WNK4: variants seen among roughly 807,000 people sequenced by gnomAD.
WNK4 encodes serine/threonine-protein kinase WNK4.
A neutral mutation model predicts 116.2 loss-of-function variants in WNK4; 94 were observed. The observed-to-expected ratio is 0.81, with a 90% confidence interval of 0.68 to 0.96. WNK4 has a LOEUF of 0.96. Among genes scored for constraint, WNK4 ranks in the 40% least tolerant of loss-of-function variants. The pLI is 0.00. For synonymous variants in WNK4, 655 were observed against 672.7 expected (o/e 0.97, Z 0.41); for missense variants, 1,542 against 1,650.6 (o/e 0.93, Z 1.14).
rs967351340 is a variant in WNK4 at position 42,794,982 on chromosome 17, C to T, written c.2561C>T (p.Pro854Leu). Residue 854 changes from proline (P) to leucine (L), a missense_variant, in exon 14 of 19, where the codon CCC becomes CTC. Pro to Leu is a moderately conservative substitution (Grantham distance 98). This residue lies in a region of WNK4 where 808 missense variants were observed against 873.6 expected (regional missense o/e 0.92). Coordinates refer to ENST00000246914, the MANE Select transcript of WNK4 (RefSeq NM_032387.5). ...ATTTCTTCCCAGGTCTCCTCAAATC[C>T]CTCTCCACACCCCACCAGCTCTCCA... The part of the protein sequence containing the change: ...SPISSQVSSN[P>L]SPHPTSSPLP... The T allele has an allele frequency of 6.2e-7, 1 of 1,612,570 alleles. No homozygotes were observed. Among genetic ancestry groups the T allele is most frequent in the Admixed American group, 1.7e-5 (1 of 59,858 alleles).
At chr17:42,789,980 T>C (rs2054592746) in intron 11 of WNK4, among the ~76,000 whole-genome samples, 1 of 151,912 alleles carries the variant, frequency 6.6e-6, no homozygotes, top group Admixed American at 6.6e-5. Flanking sequence ...CACTCCAGCC[T>C]GGAAGACAGA....
At position 42,796,042 on chromosome 17, in the gene WNK4, C is replaced by G. The variant is rs749342909; in HGVS notation, c.3431+9C>G. ...CAGAGTCTTCGGCAGAAGTGAGTCT[C>G]GGGAGGATGGAGGAGTGAGAGGAGA... is the stretch of plus-strand genomic sequence containing the variant. On this transcript the variant is annotated intron_variant, in intron 16 of 18. Transcript: ENST00000246914. 6.2e-7 allele frequency: 1 copy of G among 1,613,944 alleles called. No homozygotes were observed. The highest frequency in any genetic ancestry group is 2.2e-5 in the East Asian group (1 of 44,880).
At chr17:42,781,389 G>A (rs2054482308) in intron 1 of WNK4, 73 bp downstream of exon 1, 1 of 1,594,726 alleles carries the variant, frequency 6.3e-7, no homozygotes, top group South Asian at 1.1e-5. Context: ...GACAGAGGGT[G>A]GGGGAGACAG....
Position 42,796,500 on chromosome 17 carries a change from T to G in WNK4, c.3651T>G (p.Ser1217=). ...TCCCAGGCATCATGCGAAGGAACTC[T>G]CTGAGTGGCAGCAGCACCGGCTCCC... The part of the protein sequence containing the change: ...PPGPGIMRRN[S]LSGSSTGSQE... The change falls in exon 18 of 19, where the codon TCT becomes TCG. Residue 1217 remains serine, a synonymous_variant. Transcript: ENST00000246914. 6.2e-7 allele frequency: 1 copy of G among 1,613,908 alleles called. No homozygotes were observed. Among genetic ancestry groups the G allele is most frequent in the Non-Finnish European group, 8.5e-7 (1 of 1,179,876 alleles).
At chr17:42,787,697 CT>C in intron 7 of WNK4, 80 bp from the exon 8 acceptor site, 2 of 1,601,334 alleles carry the variant, frequency 1.2e-6, no homozygotes, top group Non-Finnish European at 1.7e-6. Context: ...CTCCAGGCCC[CT>C]CCTTGCTTAG....
chr17:42,783,060 C>A, intron 2 of WNK4, 130 bp downstream of exon 2: 2 of 1,263,962 alleles, frequency 1.6e-6, no homozygotes, highest in Non-Finnish European at 2.2e-6. Context: ...CCCTCTCACC[C>A]AACCTTTGTC....
chr17:42,784,378 G>GATT lies in WNK4; in HGVS notation c.1013-44_1013-43insATT. On this transcript the variant is annotated intron_variant, in intron 3 of 18. Coordinates refer to ENST00000246914, the MANE Select transcript of WNK4 (RefSeq NM_032387.5). This position sits in a 1 kb window ranked among gnomAD's most constrained non-coding sequence, Gnocchi z 4.4. ...CTGCCTAGCCCAGTGGGAAGGACGA[G>GATT]GCCAGAGTGCCCAGCAATCTGATCC... The GATT allele has an allele frequency of 6.2e-7, 1 of 1,604,758 alleles. No individual in the cohort carries two copies.
At position 42,784,240 on chromosome 17, in the gene WNK4, G is replaced by C. The variant is rs981757986; in HGVS notation, c.1012+83G>C. On this transcript the variant is annotated intron_variant, in intron 3 of 18. Coordinates refer to ENST00000246914, the MANE Select transcript of WNK4 (RefSeq NM_032387.5). This position sits in a 1 kb window ranked among gnomAD's most constrained non-coding sequence, Gnocchi z 4.4. ...CTGGGGACTCCCTCCCCTCAGCAAG[G>C]GCCTTCAAGGTCCACAAAACTACCA... 8.2e-6 allele frequency: 13 copies of C among 1,577,356 alleles called. No homozygotes were observed. The highest frequency in any genetic ancestry group is 1.0e-5 in the Non-Finnish European group (12 of 1,155,776).
Position 42,795,031 on chromosome 17 carries a change from CG to C in WNK4, c.2611del (p.Glu871SerfsTer64). The C allele has an allele frequency of 6.2e-7, 1 of 1,613,828 alleles. No individual in the cohort carries two copies. Among genetic ancestry groups the C allele is most frequent in the South Asian group, 1.1e-5 (1 of 91,056 alleles). On this transcript the variant is annotated frameshift_variant, in exon 14 of 19. Transcript: ENST00000246914. LOFTEE classifies it high-confidence loss of function. ...SPLPFSSSTPEFPVPLSQCPW... is the reference protein window; with the variant it reads ...SPLPFSSSTPXFPVPLSQCPW... Reference sequence around the variant, plus strand: ...CACTTCCATTCTCCTCCAGCACACCCGAGTTTCCGGTCCCACTCTCTCAGTG... The same window carrying C: ...CACTTCCATTCTCCTCCAGCACACCCAGTTTCCGGTCCCACTCTCTCAGTG...
At position 42,796,518 on chromosome 17, in the gene WNK4, C is replaced by G. The variant is rs754710180; in HGVS notation, c.3669C>G (p.Thr1223=). Residue 1223 remains threonine, a synonymous_variant, in exon 18 of 19, where the codon ACC becomes ACG. Coordinates refer to ENST00000246914, the MANE Select transcript of WNK4 (RefSeq NM_032387.5). The part of the protein sequence containing the change: ...MRRNSLSGSS[T]GSQEQRASKG... ...GGAACTCTCTGAGTGGCAGCAGCAC[C>G]GGCTCCCAGGAGCAGCGGGCAAGCA... is the stretch of plus-strand genomic sequence containing the variant. The G allele has an allele frequency of 6.2e-7, 1 of 1,614,034 alleles. No homozygotes were observed. Among genetic ancestry groups the G allele is most frequent in the Admixed American group, 1.7e-5 (1 of 60,024 alleles).
At position 42,795,022 on chromosome 17, in the gene WNK4, C is replaced by T; in HGVS notation, c.2601C>T (p.Ser867=). ...HPTSSPLPFS[S]STPEFPVPLS... ...CCAGCTCTCCACTTCCATTCTCCTCCAGCACACCCGAGTTTCCGGTCCCAC... is the reference window on the plus strand; with the variant it reads ...CCAGCTCTCCACTTCCATTCTCCTCTAGCACACCCGAGTTTCCGGTCCCAC... Residue 867 remains serine (S), a synonymous_variant, in exon 14 of 19, where the codon TCC becomes TCT. Transcript: ENST00000246914. The T allele has an allele frequency of 3.7e-6, 6 of 1,613,734 alleles. No homozygotes were observed. Among genetic ancestry groups the T allele is most frequent in the Non-Finnish European group, 5.1e-6 (6 of 1,179,916 alleles).
chr17:42,789,320 G>A (rs915451584), intron 11 of WNK4, among the ~76,000 whole-genome samples: 10 of 152,108 alleles, frequency 6.6e-5, no homozygotes, highest in Admixed American at 5.9e-4. Context: ...GAGTGAAGCC[G>A]GGTAGGTAGA....
In WNK4 at chr17:42,796,382, T is replaced by C. The variant is rs188606292; in HGVS notation, c.3631+60T>C. 2.7e-4 allele frequency: 441 copies of C among 1,612,126 alleles called. 2 individuals are homozygous for C. In the East Asian group the frequency reaches 8.0e-3, roughly 29 times the overall value. On this transcript the variant is annotated intron_variant, in intron 17 of 18. Coordinates refer to ENST00000246914, the MANE Select transcript of WNK4 (RefSeq NM_032387.5). ...CTGAGACCCCTTTCTGTCGACTGTT[T>C]TTCTCCAGGCCCTGGGGGTCTGCCC...
At position 42,784,573 on chromosome 17, in the gene WNK4, C is replaced by T; in HGVS notation, c.1164C>T (p.Val388=). Residue 388 remains valine (V), a synonymous_variant, in exon 4 of 19, where the codon GTC becomes GTT. Coordinates refer to ENST00000246914, the MANE Select transcript of WNK4 (RefSeq NM_032387.5). This position sits in a 1 kb window ranked among gnomAD's most constrained non-coding sequence, Gnocchi z 4.4. ...CQNAAQIYRK[V]TSGRKPNSFH... is the part of the protein sequence containing the mutation. ...ATGCCGCGCAAATCTACCGCAAGGTCACTTCGGTGAGAGGGATGGGGCTGG... is the reference window on the plus strand; with the variant it reads ...ATGCCGCGCAAATCTACCGCAAGGTTACTTCGGTGAGAGGGATGGGGCTGG... 1 of 1,614,172 alleles carries T rather than the reference C, an allele frequency of 6.2e-7. No homozygotes were observed. Among genetic ancestry groups the T allele is most frequent in the Non-Finnish European group, 8.5e-7 (1 of 1,180,038 alleles).
Position 42,788,320 on chromosome 17 carries a change from C to T in WNK4, c.1953C>T (p.Ser651=), listed in dbSNP as rs766220456. The T allele has an allele frequency of 9.2e-5, 149 of 1,613,906 alleles. No individual in the cohort carries two copies. The highest frequency in any genetic ancestry group is 1.2e-4 in the Non-Finnish European group (143 of 1,180,036). Residue 651 remains serine, a synonymous_variant, in exon 10 of 19, where the codon AGC becomes AGT. Transcript: ENST00000246914. ...CCTCAGATGCAGCTTCAGGCCTTAG[C>T]GATGTGGGAGAAGGGATGGGACAAA... ...SYASDAASGL[S]DVGEGMGQMR...
chr17:42,791,270 TG>T (rs2054603597), intron 11 of WNK4, among the ~76,000 whole-genome samples: 2 of 152,254 alleles, frequency 1.3e-5, no homozygotes, highest in African/African-American at 2.4e-5. Flanking sequence ...TACTTGTGGT[TG>T]TAGAGTAAGG....
chr17:42,783,903 C>A, intron 2 of WNK4, 34 bp from the exon 3 acceptor site: 1 of 1,591,740 alleles, frequency 6.3e-7, no homozygotes, highest in Non-Finnish European at 8.6e-7. Context: ...GACGTGTCCC[C>A]CCACCAGGAC....
rs373040449 is a variant in WNK4, at chr17:42,785,180, C to A, written c.1254C>A (p.Asn418Lys). Residue 418 changes from asparagine (N) to lysine (K), a missense_variant, in exon 5 of 19, where the codon AAC becomes AAA. By Grantham distance (94) the Asn-to-Lys change is moderately conservative. Coordinates refer to ENST00000246914, the MANE Select transcript of WNK4 (RefSeq NM_032387.5). ...AAGGCTGCATCCGCACGGATAAGAA[C>A]GAGAGGTGGGGGTGAAAGGGCAGAG... ...IIEGCIRTDK[N>K]ERFTIQDLLA... 6.2e-7 allele frequency: 1 copy of A among 1,613,602 alleles called. No individual in the cohort carries two copies. The highest frequency in any genetic ancestry group is 1.7e-5 in the Admixed American group (1 of 59,918).
rs779887216 is a variant in WNK4, at chr17:42,782,887, A to T, written c.748A>T (p.Ile250Phe). 1.9e-6 allele frequency: 3 copies of T among 1,614,182 alleles called. No individual in the cohort carries two copies. The highest frequency in any genetic ancestry group is 2.2e-5 in the South Asian group (2 of 91,086). ...WKSVLRGQVC[I>F]VLVTELMTSG... The stretch of plus-strand genomic sequence containing the variant: ...GTCGGTGCTGAGGGGCCAGGTTTGC[A>T]TCGTGCTGGTCACCGAACTCATGAC... The change falls in exon 2 of 19, where the codon ATC (isoleucine) becomes TTC (phenylalanine). Residue 250 changes from isoleucine (I) to phenylalanine (F), a missense_variant. Physicochemically the swap from Ile to Phe is conservative, Grantham distance 21. Coordinates refer to ENST00000246914, the MANE Select transcript of WNK4 (RefSeq NM_032387.5). The surrounding 1 kb of genome is among the most constrained non-coding windows in gnomAD (Gnocchi z 4.2).
Sources: allele counts gnomAD v4.1 joint callset (sites outside exome capture counted in the v4.1 genomes callset), GRCh38; gene constraint gnomAD v4.1.1; regional missense constraint gnomAD v4.1.1; non-coding constraint Gnocchi (gnomAD v3.1); transcripts MANE v1.5; gene names NCBI Gene and HGNC (gene_info 2026-07-23, HGNC 2026-07-21).